The following ZMYND8 variants were observed in gnomAD, a reference collection of about 807,000 sequenced individuals.
The protein encoded by ZMYND8 is zinc finger MYND-type containing 8.
ZMYND8 carries 37 observed loss-of-function variants against 140.8 expected under a neutral mutation model. The ratio of observed to expected loss-of-function variants is 0.26; its 90% CI spans 0.20 to 0.35. ZMYND8 has a LOEUF of 0.35. ZMYND8 is among the 10% of genes least tolerant of loss of function. ZMYND8 has a pLI of 1.00. For synonymous variants in ZMYND8, 592 were observed against 597.1 expected (o/e 0.99, Z 0.12); for missense variants, 1,068 against 1,570.0 (o/e 0.68, Z 5.40).
intron 11 of ZMYND8, among the ~76,000 whole-genome samples, chr20:47,275,363 G>A (rs575177175): frequency 3.3e-4 from 50 of 151,898 alleles, no homozygotes; most frequent in African/African-American, 9.2e-4. Flanking sequence ...ATAGTAGTGC[G>A]CGCACCTGTA....
chr20:47,303,233 A>G (rs1240974613), intron 3 of ZMYND8, among the ~76,000 whole-genome samples: 1 of 152,142 alleles, frequency 6.6e-6, no homozygotes, highest in Non-Finnish European at 1.5e-5. Context: ...ACTCCTGTTG[A>G]AAGATAAGCT....
Position 47,343,103 on chromosome 20 carries a change from A to T in ZMYND8, c.85+4753T>A, listed in dbSNP as rs117072639. On this transcript the variant is annotated intron_variant, in intron 2 of 22. Transcript: ENST00000471951. Reference sequence around the variant, plus strand: ...CAAAACCAGCCTGGGCAACACAGCGAGACTCCATCTCTACAAATAAAAAGA... The same window carrying T: ...CAAAACCAGCCTGGGCAACACAGCGTGACTCCATCTCTACAAATAAAAAGA... 4.9e-3 allele frequency among the ~76,000 whole-genome samples: 752 copies of T among 152,266 alleles called. 3 individuals are homozygous for T. The highest frequency in any genetic ancestry group is 7.4e-3 in the Non-Finnish European group (501 of 68,016).
intron 21 of ZMYND8, among the ~76,000 whole-genome samples, chr20:47,213,725 G>A (rs1265100434): frequency 2.0e-5 from 3 of 152,236 alleles, no homozygotes; most frequent in African/African-American, 7.2e-5. Context: ...TTTCACTGGA[G>A]CAAGGTAGCA....
At chr20:47,341,639 G>A (rs1055319282) in intron 2 of ZMYND8, among the ~76,000 whole-genome samples, 2 of 152,034 alleles carry the variant, frequency 1.3e-5, no homozygotes, top group Admixed American at 1.3e-4. Context: ...GGGAGGCCGA[G>A]GTGGGAGGAT....
intron 2 of ZMYND8, among the ~76,000 whole-genome samples, chr20:47,344,982 G>A (rs1248034258): frequency 6.6e-6 from 1 of 151,800 alleles, no homozygotes; most frequent in Non-Finnish European, 1.5e-5. Flanking sequence ...GCCAGGTGAG[G>A]TGGTGTGCAC....
rs1011528012 is a variant in ZMYND8, at chr20:47,309,905, G to T, written c.234+151C>A. 3.7e-6 allele frequency: 4 copies of T among 1,080,474 alleles called. No individual in the cohort carries two copies. In the African/African-American group the frequency reaches 6.4e-5, roughly 17 times the overall value. 66.9% of individuals were successfully genotyped at this position (1,080,474 alleles called of 1,614,324 possible). On this transcript the variant is annotated intron_variant, in intron 3 of 22. Coordinates refer to ENST00000471951, the MANE Select transcript of ZMYND8 (RefSeq NM_001281775.3). ...AAATTTCTACACAGGCCCATTTTTA[G>T]CCATCTTTTTTTGTCCAAGGCAAAT... is the stretch of plus-strand genomic sequence containing the variant.
chr20:47,254,864 T>C (rs2074469590), intron 12 of ZMYND8, among the ~76,000 whole-genome samples: 1 of 152,188 alleles, frequency 6.6e-6, no homozygotes, highest in South Asian at 2.1e-4. Flanking sequence ...CAGTGCCTCA[T>C]GCCTGCAATC....
chr20:47,230,990 G>C (rs1248641592), intron 16 of ZMYND8, among the ~76,000 whole-genome samples: 2 of 151,566 alleles, frequency 1.3e-5, no homozygotes, highest in Non-Finnish European at 2.9e-5. Flanking sequence ...GCAGGCAGCG[G>C]AACTTCATTC....
intron 2 of ZMYND8, among the ~76,000 whole-genome samples, chr20:47,339,303 G>A (rs2081641044): frequency 6.6e-6 from 1 of 151,950 alleles, no homozygotes; most frequent in Admixed American, 6.6e-5. Flanking sequence ...CTCTAAGCAG[G>A]GGGTCTTCCG....
At chr20:47,286,276 C>G (rs752139773) in intron 8 of ZMYND8, among the ~76,000 whole-genome samples, 11 of 151,528 alleles carry the variant, frequency 7.3e-5, no homozygotes, top group Admixed American at 1.3e-4. Context: ...CTCCCAGGTT[C>G]AAGCAATTCT....
rs767599135 is a variant in ZMYND8, at chr20:47,282,057, A to C, written c.998+45T>G. ...TTTTCTTATCTCATAACAGTATCAA[A>C]GTTCAGTGAAAGCTACATGTTCCAA... On this transcript the variant is annotated intron_variant, in intron 10 of 22. Coordinates refer to ENST00000471951, the MANE Select transcript of ZMYND8 (RefSeq NM_001281775.3). 5 of 1,513,158 alleles carry C rather than the reference A, an allele frequency of 3.3e-6. No homozygotes were observed. In the East Asian group the frequency reaches 1.1e-4, roughly 34 times the overall value. The allele number at this position is 1,513,158 out of a possible 1,614,324, so 93.7% of individuals were successfully genotyped here. A position where few individuals can be genotyped will look rare whatever the true frequency, so the allele number is the denominator to read the frequency against.
intron 1 of ZMYND8, chr20:47,354,775 A>G (rs1158146720): frequency 6.6e-6 from 1 of 152,184 alleles, no homozygotes; most frequent in Admixed American, 6.5e-5. Flanking sequence ...CTGAACTTCT[A>G]GGGAAATTCT....
In ZMYND8 at chr20:47,238,789, C is replaced by A. The variant is rs763050595; in HGVS notation, c.2634G>T (p.Gly878=). The change falls in exon 15 of 23, where the codon GGG becomes GGT. Residue 878 remains glycine (G), a synonymous_variant. Transcript: ENST00000471951. ...NQQQQPQSSQ[G]TRYQTRQAVK... is the part of the protein sequence containing the mutation. Reference sequence around the variant, plus strand: ...CAGCCTGTCTGGTCTGATATCTCGTCCCCTGGGAAGACTGAGGCTGCTGCT... The same window carrying A: ...CAGCCTGTCTGGTCTGATATCTCGTACCCTGGGAAGACTGAGGCTGCTGCT... The A allele has an allele frequency of 6.2e-7, 1 of 1,612,840 alleles. No individual in the cohort carries two copies. Among genetic ancestry groups the A allele is most frequent in the East Asian group, 2.2e-5 (1 of 44,872 alleles).
In ZMYND8 at chr20:47,298,198, T is replaced by G. The variant is rs1238628307; in HGVS notation, c.453+531A>C. The G allele has an allele frequency of 1.1e-6, 1 of 874,936 alleles. No homozygotes were observed. Among genetic ancestry groups the G allele is most frequent in the Admixed American group, 6.2e-5 (1 of 16,106 alleles). 54.2% of individuals were successfully genotyped at this position (874,936 alleles called of 1,614,324 possible). A position where few individuals can be genotyped will look rare whatever the true frequency, so the allele number is the denominator to read the frequency against. On this transcript the variant is annotated intron_variant, in intron 4 of 22. Coordinates refer to ENST00000471951, the MANE Select transcript of ZMYND8 (RefSeq NM_001281775.3). This position sits in a 1 kb window ranked among gnomAD's most constrained non-coding sequence, Gnocchi z 5.0. The stretch of plus-strand genomic sequence containing the variant: ...TTTTCTGCTGGAAAAAAAAAAATGA[T>G]CCATGCCTGTTTTTGTGCACTGTCG...
chr20:47,343,957 C>A (rs74465594), intron 2 of ZMYND8, among the ~76,000 whole-genome samples: 1 of 119,924 alleles, frequency 8.3e-6, no homozygotes, highest in Non-Finnish European at 1.7e-5. Flanking sequence ...AGTGATAAAT[C>A]TTTTTTTTTT....
At chr20:47,296,883 G>A (rs2148039277) in intron 4 of ZMYND8, among the ~76,000 whole-genome samples, 2 of 152,252 alleles carry the variant, frequency 1.3e-5, no homozygotes, top group Admixed American at 1.3e-4. Flanking sequence ...TTGAGCCCAG[G>A]TGGTCAGGGC....
chr20:47,249,443 A>G lies in ZMYND8; in HGVS notation c.1622-4T>C. ...TCCATCTCAGCTTTGCTTCGATCTG[A>G]AAGAAACCATCACACCCTCGTAAGA... On this transcript the variant is annotated splice_region_variant and splice_polypyrimidine_tract_variant and intron_variant, in intron 12 of 22. Coordinates refer to ENST00000471951, the MANE Select transcript of ZMYND8 (RefSeq NM_001281775.3). The G allele has an allele frequency of 6.2e-7, 1 of 1,613,906 alleles. No individual in the cohort carries two copies. The highest frequency in any genetic ancestry group is 8.5e-7 in the Non-Finnish European group (1 of 1,179,876).
intron 2 of ZMYND8, among the ~76,000 whole-genome samples, chr20:47,344,769 T>C (rs2148571498): frequency 6.6e-6 from 1 of 152,274 alleles, no homozygotes; most frequent in East Asian, 1.9e-4. Flanking sequence ...CCTCAAAACT[T>C]TTCTGGAAAT....
At chr20:47,337,034 CA>C (rs59318496) in intron 2 of ZMYND8, among the ~76,000 whole-genome samples, 31,798 of 122,316 alleles carry the variant, frequency 0.26, 5,230 homozygotes, top group African/African-American at 0.51. Flanking sequence ...ACACTCTTAT[CA>C]AAAAAAAAAA....
Sources: gnomAD v4.1 joint callset for allele counts (sites outside exome capture counted in the v4.1 genomes callset) on GRCh38, gnomAD v4.1.1 for gene constraint, Gnocchi (gnomAD v3.1) non-coding constraint, MANE v1.5 for transcripts, NCBI Gene and HGNC (gene_info 2026-07-23, HGNC 2026-07-21) for gene names.